The following GDA variants were observed in gnomAD, a reference collection of about 807,000 sequenced individuals.
The protein encoded by GDA is guanine deaminase.
In GDA, 18 loss-of-function variants were observed where a neutral mutation model predicts 59.6. The observed-to-expected ratio is 0.30, with a 90% CI of 0.21 to 0.45. GDA has a LOEUF of 0.45. Ranked by LOEUF, GDA falls within the 20% of genes least tolerant of loss-of-function variation. The pLI is 1.00. For missense variants in GDA, 427 were observed against 552.3 expected, an observed-to-expected ratio of 0.77 and a Z score of 2.27; for synonymous variants, 201 against 201.1, an observed-to-expected ratio of 1.00 and a Z score of 0.00.
chr9:72,116,232 C>A (rs1219370216), intron 1 of GDA, among the ~76,000 whole-genome samples: 3 of 147,360 alleles, frequency 2.0e-5, no homozygotes, highest in African/African-American at 2.5e-5. Flanking sequence ...GAAACTGTCT[C>A]AAAAAAAAAA....
In GDA at chr9:72,115,959, T is replaced by C. The variant is rs749786223; in HGVS notation, c.-100+1126T>C. Among the ~76,000 whole-genome samples, 6 of 152,246 alleles carry C rather than the reference T, an allele frequency of 3.9e-5. No individual in the cohort carries two copies. In the East Asian group the frequency reaches 1.2e-3, roughly 29 times the overall value. ...AAGAGACAATAACTATTGGGCTGGG[T>C]GTGGTGGCTCACGCCTGTAATCCCA... is the stretch of plus-strand genomic sequence containing the variant. On this transcript the variant is annotated intron_variant, in intron 1 of 13. Coordinates refer to the GDA transcript ENST00000545168.
intron 10 of GDA, among the ~76,000 whole-genome samples, chr9:72,238,222 C>A (rs1156714906): frequency 6.6e-6 from 1 of 152,146 alleles, no homozygotes; most frequent in Non-Finnish European, 1.5e-5. Flanking sequence ...AAATCATACT[C>A]CCTTCTCTCA....
chr9:72,173,388 T>C (rs1486127342), intron 1 of GDA, among the ~76,000 whole-genome samples: 1 of 151,294 alleles, frequency 6.6e-6, no homozygotes, highest in Non-Finnish European at 1.5e-5. Flanking sequence ...TGGGGTGCAA[T>C]GGTGCGATCT....
chr9:72,223,992 G>A (rs1033026945), intron 7 of GDA, among the ~76,000 whole-genome samples: 5 of 152,010 alleles, frequency 3.3e-5, no homozygotes, highest in Non-Finnish European at 5.9e-5. Flanking sequence ...ACCATTAACC[G>A]CTCTCACCTT....
Position 72,137,771 on chromosome 9 carries a change from A to ACC in GDA, c.-100+22944_-100+22945dup, listed in dbSNP as rs113933193. ...TCTTATTAGATGCCAGTCATAACCC[A>ACC]CCCCCCCACCTTCAACTGTTACAAC... is the stretch of plus-strand genomic sequence containing the variant. On this transcript the variant is annotated intron_variant, in intron 1 of 13. Coordinates refer to the GDA transcript ENST00000545168. 8.2e-3 allele frequency among the ~76,000 whole-genome samples: 1,229 copies of ACC among 150,784 alleles called. 24 individuals carry two copies. Among genetic ancestry groups the ACC allele is most frequent in the African/African-American group, 0.029 (1,174 of 40,986 alleles).
chr9:72,168,134 T>C (rs1453067332), intron 1 of GDA, among the ~76,000 whole-genome samples: 2 of 152,124 alleles, frequency 1.3e-5, no homozygotes, highest in East Asian at 1.9e-4. Context: ...AGGTAGCTTG[T>C]GTCTGTAATC....
At chr9:72,202,870 T>C in intron 3 of GDA, 128 bp downstream of exon 3, 1 of 700,304 alleles carries the variant, frequency 1.4e-6, no homozygotes, top group South Asian at 1.9e-5. Context: ...AATTTTTAAG[T>C]TTCTTTTTCA....
chr9:72,198,861 A>ATATATATATATAT (rs1491123372), intron 2 of GDA, among the ~76,000 whole-genome samples: 10 of 147,872 alleles, frequency 6.8e-5, no homozygotes, highest in African/African-American at 1.8e-4. Flanking sequence ...ATATATATAT[A>ATATATATATATAT]AAATTTTTTT....
chr9:72,122,384 A>G (rs1341362860), intron 1 of GDA, among the ~76,000 whole-genome samples: 1 of 152,140 alleles, frequency 6.6e-6, no homozygotes, highest in Non-Finnish European at 1.5e-5. Flanking sequence ...GAAAATAATC[A>G]TTATTATTTG....
In GDA at chr9:72,222,201, C is replaced by T. The variant is rs180823615; in HGVS notation, c.607-919C>T. Among the ~76,000 whole-genome samples the T allele has an allele frequency of 2.2e-3, 330 of 152,294 alleles. 1 individual carries two copies. Among genetic ancestry groups the T allele is most frequent in the African/African-American group, 7.7e-3 (321 of 41,570 alleles). On this transcript the variant is annotated intron_variant, in intron 6 of 13. Transcript: ENST00000358399. Reference sequence around the variant, plus strand: ...ACAGTCTATAAGCATTTCTTTTTCTCCACAACCTCACCAGTATCTGCTATT... The same window carrying T: ...ACAGTCTATAAGCATTTCTTTTTCTTCACAACCTCACCAGTATCTGCTATT...
At chr9:72,133,955 G>C (rs1278060717) in intron 1 of GDA, among the ~76,000 whole-genome samples, 1 of 152,064 alleles carries the variant, frequency 6.6e-6, no homozygotes, top group Admixed American at 6.6e-5. Context: ...TGATCATCTG[G>C]GTTACACATT....
chr9:72,199,658 T>C (rs1833687426), intron 2 of GDA, among the ~76,000 whole-genome samples: 1 of 152,248 alleles, frequency 6.6e-6, no homozygotes, highest in African/African-American at 2.4e-5. Flanking sequence ...AGTGACTACT[T>C]TTTAAAGGAA....
intron 1 of GDA, among the ~76,000 whole-genome samples, chr9:72,130,645 T>A (rs575835064): frequency 5.5e-4 from 84 of 152,316 alleles, no homozygotes; most frequent in African/African-American, 2.0e-3. Context: ...AGATGCTTAG[T>A]GTGTTGTTAT....
chr9:72,148,572 G>T (rs974536118), upstream of GDA, among the ~76,000 whole-genome samples: 1 of 152,094 alleles, frequency 6.6e-6, no homozygotes, highest in Non-Finnish European at 1.5e-5. Flanking sequence ...AGGGATTAGG[G>T]GCAGAAGGAA....
intron 1 of GDA, among the ~76,000 whole-genome samples, chr9:72,152,226 C>T (rs914766162): frequency 2.0e-5 from 3 of 152,174 alleles, no homozygotes; most frequent in Admixed American, 6.5e-5. Context: ...AGAATCTCAG[C>T]GAGAGGGCAC....
At chr9:72,139,745 T>C (rs1487384097) in intron 1 of GDA, among the ~76,000 whole-genome samples, 7 of 152,214 alleles carry the variant, frequency 4.6e-5, no homozygotes, top group Non-Finnish European at 7.3e-5. Flanking sequence ...CTCAGTTTTA[T>C]ATCCTACACA....
Position 72,227,914 on chromosome 9 carries a change from A to C in GDA, c.823-29A>C, listed in dbSNP as rs950236644. ...CCCACTTAATCATTTGTGAGCGGTA[A>C]ACTCCACGTAGGGCACTCTTCTCTC... On this transcript the variant is annotated intron_variant, in intron 8 of 13. Coordinates refer to ENST00000358399, the MANE Select transcript of GDA (RefSeq NM_004293.5). 6 of 1,217,274 alleles carry C rather than the reference A, an allele frequency of 4.9e-6. No individual in the cohort carries two copies. In the East Asian group the frequency reaches 1.4e-4, roughly 28 times the overall value. The allele number at this position is 1,217,274 out of a possible 1,614,324, so 75.4% of individuals were successfully genotyped here. A position where few individuals can be genotyped will look rare whatever the true frequency, so the allele number is the denominator to read the frequency against.
chr9:72,252,069 G>C lies in GDA; in HGVS notation c.*3727G>C, dbSNP rs539574926. The C allele has an allele frequency of 6.6e-6, 1 of 152,560 alleles. No individual in the cohort carries two copies. Among genetic ancestry groups the C allele is most frequent in the Non-Finnish European group, 1.5e-5 (1 of 68,008 alleles). 9.5% of individuals were successfully genotyped at this position (152,560 alleles called of 1,614,324 possible). A position where few individuals can be genotyped will look rare whatever the true frequency, so the allele number is the denominator to read the frequency against. On this transcript the variant is annotated 3_prime_UTR_variant, in exon 14 of 14. Transcript: ENST00000358399. ...CTTTAGAGAAAACCACTTTACATTT[G>C]TTGTTAAACTCCTGATCGCTACTCT...
At chr9:72,168,283 C>A (rs2130919664) in intron 1 of GDA, among the ~76,000 whole-genome samples, 1 of 151,950 alleles carries the variant, frequency 6.6e-6, no homozygotes, top group East Asian at 1.9e-4. Context: ...GCCTGTGGTC[C>A]CAGCTACGCA....
Sources: gnomAD v4.1 joint callset for allele counts (sites outside exome capture counted in the v4.1 genomes callset) on GRCh38, gnomAD v4.1.1 for gene constraint, MANE v1.5 for transcripts, NCBI Gene and HGNC (gene_info 2026-07-23, HGNC 2026-07-21) for gene names.